The following CTDP1 variants were observed in gnomAD, a reference collection of about 807,000 sequenced individuals.
CTDP1 encodes the protein RNA polymerase II subunit A C-terminal domain phosphatase.
Under a neutral mutation model 91.8 loss-of-function variants are expected in CTDP1, and 47 were observed. The observed-to-expected ratio is 0.51, with a 90% CI of 0.41 to 0.65. The LOEUF is 0.65. CTDP1 is among the 30% of genes least tolerant of loss of function. The pLI is 0.00. For synonymous variants in CTDP1, 656 were observed against 598.5 expected (o/e 1.10, Z -1.40); for missense variants, 1,272 against 1,373.7 (o/e 0.93, Z 1.17).
chr18:79,683,860 G>A lies in CTDP1; in HGVS notation c.314+3599G>A, dbSNP rs886642404. ...ACAGCCTGTCTCTTGAGGCTTGGTCGCTGTGTTCACCCTGCAGGTGTTATG... is the reference window on the plus strand; with the variant it reads ...ACAGCCTGTCTCTTGAGGCTTGGTCACTGTGTTCACCCTGCAGGTGTTATG... On this transcript the variant is annotated intron_variant, in intron 1 of 12. Transcript: ENST00000613122. Among the ~76,000 whole-genome samples, 3 of 152,216 alleles carry A rather than the reference G, an allele frequency of 2.0e-5. No individual in the cohort carries two copies. The East Asian group carries it at 5.8e-4, about 29-fold the overall frequency.
intron 1 of CTDP1, among the ~76,000 whole-genome samples, chr18:79,689,314 C>T (rs1164153238): frequency 2.0e-5 from 3 of 152,172 alleles, no homozygotes; most frequent in South Asian, 2.1e-4. Flanking sequence ...TGTTGTAATT[C>T]AGTATCTTGA....
chr18:79,745,231 T>G (rs2086856033), intron 12 of CTDP1, among the ~76,000 whole-genome samples: 1 of 151,594 alleles, frequency 6.6e-6, no homozygotes, highest in Admixed American at 6.6e-5. Flanking sequence ...TTTGACTGGA[T>G]TGTGCGTCCC....
At chr18:79,712,149 GAA>G (rs2086098469) in intron 6 of CTDP1, among the ~76,000 whole-genome samples, 1 of 152,196 alleles carries the variant, frequency 6.6e-6, no homozygotes, top group Non-Finnish European at 1.5e-5. Flanking sequence ...GTGTTACAGG[GAA>G]AAGTCACCCG....
intron 12 of CTDP1, among the ~76,000 whole-genome samples, chr18:79,750,813 C>G (rs969035727): frequency 6.6e-6 from 1 of 151,838 alleles, no homozygotes; most frequent in Admixed American, 6.6e-5. Context: ...CACGCCCTGC[C>G]TACTCCGCTT....
intron 10 of CTDP1, among the ~76,000 whole-genome samples, chr18:79,725,821 T>C (rs1196156286): frequency 6.6e-6 from 1 of 152,086 alleles, no homozygotes; most frequent in Non-Finnish European, 1.5e-5. Context: ...GATCTTCCTT[T>C]TTCTCGGGGC....
Position 79,713,288 on chromosome 18 carries a change from G to C in CTDP1, c.1030+150G>C, listed in dbSNP as rs958656213. 1.0e-6 allele frequency: 1 copy of C among 961,564 alleles called. No homozygotes were observed. The highest frequency in any genetic ancestry group is 1.6e-6 in the Non-Finnish European group (1 of 642,510). 59.6% of individuals were successfully genotyped at this position (961,564 alleles called of 1,614,324 possible). On this transcript the variant is annotated intron_variant, in intron 7 of 12. Transcript: ENST00000613122. The surrounding 1 kb of genome is among the most constrained non-coding windows in gnomAD (Gnocchi z 4.7). ...GTAGAGATTATTGGATTTATTTATA[G>C]AGTACTGAAAAACAGGATATTAGGT...
intron 12 of CTDP1, among the ~76,000 whole-genome samples, chr18:79,742,331 A>C (rs1055249817): frequency 2.0e-5 from 3 of 152,078 alleles, no homozygotes; most frequent in Non-Finnish European, 2.9e-5. Flanking sequence ...CGTCCATGGG[A>C]GAGAGGCCTG....
intron 8 of CTDP1, 36 bp from the exon 9 acceptor site, chr18:79,717,499 G>A (rs767122156): frequency 1.4e-4 from 218 of 1,610,042 alleles, no homozygotes; most frequent in Non-Finnish European, 1.8e-4. Flanking sequence ...CTCCAGTGCT[G>A]GCCGGAACAG....
rs559584170 is a variant in CTDP1 at position 79,735,402 on chromosome 18, G to A, written c.2581-953G>A. Among the ~76,000 whole-genome samples the A allele has an allele frequency of 3.5e-3, 538 of 152,360 alleles. 5 individuals are homozygous for A. The highest frequency in any genetic ancestry group is 0.012 in the African/African-American group (491 of 41,582). ...GTCGCACACAGACGCCCTCAACGTC[G>A]GAGAGCTGTGAGCGGGGCCGTGCTC... On this transcript the variant is annotated intron_variant, in intron 11 of 12. Transcript: ENST00000613122.
chr18:79,694,018 C>T (rs1460082560), intron 1 of CTDP1, among the ~76,000 whole-genome samples: 5 of 152,242 alleles, frequency 3.3e-5, no homozygotes, highest in Admixed American at 2.6e-4. Context: ...TCCTTGCGCC[C>T]TCTCGATGAC....
chr18:79,747,697 AGGTGTCCGGTGCGTGCAGAC>A, intron 12 of CTDP1, among the ~76,000 whole-genome samples: 1 of 152,344 alleles, frequency 6.6e-6, no homozygotes, highest in Non-Finnish European at 1.5e-5. Flanking sequence ...CGCCTCCTGC[AGGTGTCCGGTGCGTGCAGAC>A]CTGGCCACGC....
At chr18:79,749,262 C>T (rs2086944179) in intron 12 of CTDP1, among the ~76,000 whole-genome samples, 1 of 152,078 alleles carries the variant, frequency 6.6e-6, no homozygotes, top group Admixed American at 6.6e-5. Flanking sequence ...CCTCCTCTCC[C>T]TGCTTGCCCC....
chr18:79,685,061 G>A (rs675988), intron 1 of CTDP1, among the ~76,000 whole-genome samples: 3,379 of 42,980 alleles, frequency 0.079, 318 homozygotes, highest in Middle Eastern at 0.13. Context: ...TGCTCCTTAC[G>A]GGGTGTGAGG....
At chr18:79,749,579 C>A (rs554664157) in intron 12 of CTDP1, among the ~76,000 whole-genome samples, 1 of 151,750 alleles carries the variant, frequency 6.6e-6, no homozygotes, top group African/African-American at 2.4e-5. Flanking sequence ...GAGGGCACTT[C>A]GGCTCTCCTG....
chr18:79,735,050 G>A lies in CTDP1; in HGVS notation c.2581-1305G>A, dbSNP rs117091259. 5.0e-3 allele frequency among the ~76,000 whole-genome samples: 769 copies of A among 152,328 alleles called. 4 individuals are homozygous for A. Among genetic ancestry groups the A allele is most frequent in the Non-Finnish European group, 6.9e-3 (466 of 68,026 alleles). ...GGCGATGAGTTTGAAATTGCAGAGT[G>A]GACGGGGTGGATGCGTCGGCCTCCA... On this transcript the variant is annotated intron_variant, in intron 11 of 12. Coordinates refer to ENST00000613122, the MANE Select transcript of CTDP1 (RefSeq NM_004715.5).
rs1490099660 is a variant in CTDP1, at chr18:79,728,786, C to T, written c.2418-121C>T. On this transcript the variant is annotated intron_variant, in intron 10 of 12. Transcript: ENST00000613122. ...TTGGCGAAACATCACGTTTTTCATA[C>T]GTGTTCCCTGTTGGGGTGTGTGAGT... 12 of 824,080 alleles carry T rather than the reference C, an allele frequency of 1.5e-5. No homozygotes were observed. In the East Asian group the frequency reaches 2.3e-4, roughly 16 times the overall value. The allele number at this position is 824,080 out of a possible 1,614,324, so 51.0% of individuals were successfully genotyped here.
chr18:79,717,878 C>T lies in CTDP1; in HGVS notation c.2279C>T (p.Pro760Leu), dbSNP rs145506051. 41 of 1,613,508 alleles carry T rather than the reference C, an allele frequency of 2.5e-5. No homozygotes were observed. Among genetic ancestry groups the T allele is most frequent in the South Asian group, 8.8e-5 (8 of 91,088 alleles). ...CCCACCGCCTTGTTCCACCCGATGC[C>T]GGTTCTTCCCAAGGCCCAGCCTGGC... Reference protein sequence around the residue: ...VPPTALFHPMPVLPKAQPGPE... With the variant: ...VPPTALFHPMLVLPKAQPGPE... The change falls in exon 10 of 13, where the codon CCG (proline) becomes CTG (leucine). Residue 760 changes from proline (P) to leucine (L), a missense_variant. Coordinates refer to ENST00000613122, the MANE Select transcript of CTDP1 (RefSeq NM_004715.5).
At chr18:79,741,846 A>G (rs1312611827) in intron 12 of CTDP1, among the ~76,000 whole-genome samples, 1 of 152,250 alleles carries the variant, frequency 6.6e-6, no homozygotes, top group Admixed American at 6.5e-5. Flanking sequence ...TTAATCTTGG[A>G]TAATTAACTA....
intron 1 of CTDP1, among the ~76,000 whole-genome samples, chr18:79,693,334 A>G (rs1474224567): frequency 6.6e-6 from 1 of 152,054 alleles, no homozygotes; most frequent in Non-Finnish European, 1.5e-5. Flanking sequence ...CAGAACTCTA[A>G]TCATTCATTG....
Sources: allele counts gnomAD v4.1 joint callset (sites outside exome capture counted in the v4.1 genomes callset), GRCh38; gene constraint gnomAD v4.1.1; non-coding constraint Gnocchi (gnomAD v3.1); transcripts MANE v1.5; gene names NCBI Gene and HGNC (gene_info 2026-07-23, HGNC 2026-07-21).